The following CCDC85C variants were observed in gnomAD, a reference collection of about 807,000 sequenced individuals.
CCDC85C encodes coiled-coil domain containing 85C.
CCDC85C carries 18 observed loss-of-function variants against 38.3 expected under a neutral mutation model. The observed-to-expected ratio is 0.47, with a 90% CI of 0.33 to 0.70. CCDC85C has a LOEUF of 0.70. Among genes scored for constraint, CCDC85C ranks in the 30% least tolerant of loss-of-function variants. CCDC85C has a pLI of 0.03. For missense variants in CCDC85C, 566 were observed against 621.2 expected (o/e 0.91, Z 0.94); for synonymous variants, 264 against 293.8 (o/e 0.90, Z 1.04).
At position 99,503,673 on chromosome 14, in the gene CCDC85C, T is replaced by C. The variant is rs1447579134; in HGVS notation, c.*11573A>G. On this transcript the variant is annotated 3_prime_UTR_variant, in exon 6 of 6. Coordinates refer to ENST00000380243, the MANE Select transcript of CCDC85C (RefSeq NM_001144995.2). ...ATTTCCTGTTCTGATGTTTTTTTAG[T>C]TTTATGTGTTTATATGCAAAACTTT... 6.5e-7 allele frequency: 1 copy of C among 1,538,088 alleles called. No homozygotes were observed. Among genetic ancestry groups the C allele is most frequent in the Admixed American group, 2.0e-5 (1 of 50,204 alleles).
At position 99,512,234 on chromosome 14, in the gene CCDC85C, A is replaced by T. The variant is rs1897146827; in HGVS notation, c.*3012T>A. Reference sequence around the variant, plus strand: ...CGGGAGTCCACGGGCTCCCAGCTCTAAACGGCGCCAGGGCAGGAAGGGGTG... The same window carrying T: ...CGGGAGTCCACGGGCTCCCAGCTCTTAACGGCGCCAGGGCAGGAAGGGGTG... On this transcript the variant is annotated 3_prime_UTR_variant, in exon 6 of 6. Transcript: ENST00000380243. The T allele has an allele frequency of 6.6e-6, 1 of 152,146 alleles. No homozygotes were observed. The highest frequency in any genetic ancestry group is 2.1e-4 in the South Asian group (1 of 4,820). 9.4% of individuals were successfully genotyped at this position (152,146 alleles called of 1,614,324 possible).
intron 2 of CCDC85C, among the ~76,000 whole-genome samples, chr14:99,523,716 A>G (rs1005881985): frequency 3.9e-5 from 6 of 152,064 alleles, no homozygotes; most frequent in South Asian, 2.1e-4. Context: ...GTGGGAACCA[A>G]CCTTCCTGCA....
intron 3 of CCDC85C, among the ~76,000 whole-genome samples, chr14:99,517,691 T>C (rs2139896955): frequency 6.6e-6 from 1 of 152,276 alleles, no homozygotes; most frequent in East Asian, 1.9e-4. Context: ...CTCCCAGCCC[T>C]GCGGGATGAA....
chr14:99,510,259 C>A lies in CCDC85C; in HGVS notation c.*4987G>T, dbSNP rs369022783. ...GTCCAGATTCCCCCTCCGGCCCACC[C>A]GGCCCCTGTGCACCAGCCACCGCCG... On this transcript the variant is annotated 3_prime_UTR_variant, in exon 6 of 6. Transcript: ENST00000380243. 9 of 1,555,738 alleles carry A rather than the reference C, an allele frequency of 5.8e-6. No homozygotes were observed. Among genetic ancestry groups the A allele is most frequent in the Non-Finnish European group, 6.9e-6 (8 of 1,154,590 alleles).
At chr14:99,530,111 C>T (rs1358441778) in intron 2 of CCDC85C, among the ~76,000 whole-genome samples, 1 of 152,178 alleles carries the variant, frequency 6.6e-6, no homozygotes. Flanking sequence ...TGGTGACTCT[C>T]CCCCAGCATC....
At chr14:99,541,378 C>T (rs1010628557) in intron 1 of CCDC85C, among the ~76,000 whole-genome samples, 6 of 152,220 alleles carry the variant, frequency 3.9e-5, no homozygotes, top group South Asian at 2.1e-4. Flanking sequence ...TCTGGGCACA[C>T]GCTCCTTGCA....
intron 1 of CCDC85C, among the ~76,000 whole-genome samples, chr14:99,586,000 C>T (rs1453792130): frequency 1.3e-5 from 2 of 152,242 alleles, no homozygotes; most frequent in African/African-American, 4.8e-5. Flanking sequence ...GGCACCCAGA[C>T]CAAGCAGTAA....
chr14:99,578,821 G>T (rs747593435), intron 1 of CCDC85C, among the ~76,000 whole-genome samples: 3 of 152,160 alleles, frequency 2.0e-5, no homozygotes, highest in Non-Finnish European at 4.4e-5. Context: ...TTCTCTAAGC[G>T]CTTCCCTAGA....
intron 2 of CCDC85C, among the ~76,000 whole-genome samples, chr14:99,527,923 C>T (rs11845792): frequency 6.6e-6 from 1 of 151,956 alleles, no homozygotes; most frequent in Non-Finnish European, 1.5e-5. Flanking sequence ...GGGCAAGGTG[C>T]GTGAGAAGGG....
rs1595335907 is a variant in CCDC85C at position 99,516,394 on chromosome 14, A to C, written c.1072-108T>G. 2.5e-6 allele frequency: 2 copies of C among 785,752 alleles called. No homozygotes were observed. Among genetic ancestry groups the C allele is most frequent in the South Asian group, 3.2e-5 (2 of 62,698 alleles). The allele number at this position is 785,752 out of a possible 1,614,324, so 48.7% of individuals were successfully genotyped here. On this transcript the variant is annotated intron_variant, in intron 4 of 5. Coordinates refer to ENST00000380243, the MANE Select transcript of CCDC85C (RefSeq NM_001144995.2). This position sits in a 1 kb window ranked among gnomAD's most constrained non-coding sequence, Gnocchi z 5.5. ...CCCCTGCTGCGAACCAAAGCTGAGG[A>C]CCCTGAGCCGCTGGGCCCCTGGGGA...
At chr14:99,522,271 G>A (rs1008726006) in intron 2 of CCDC85C, 31 bp from the exon 3 acceptor site, 11 of 1,495,006 alleles carry the variant, frequency 7.4e-6, no homozygotes, top group African/African-American at 2.8e-5. Flanking sequence ...GGGGTTAGAC[G>A]GAGGGCCAGG....
At chr14:99,578,515 CTGTG>C (rs76197773) in intron 1 of CCDC85C, among the ~76,000 whole-genome samples, 3 of 151,780 alleles carry the variant, frequency 2.0e-5, no homozygotes, top group Admixed American at 6.6e-5. Context: ...ACTCCCATCA[CTGTG>C]TGTGTGTGAC....
chr14:99,522,551 C>T lies in CCDC85C; in HGVS notation c.868-311G>A, dbSNP rs1372985911. The T allele has an allele frequency of 2.5e-5, 6 of 236,442 alleles. No homozygotes were observed. The East Asian group carries it at 6.6e-4, about 26-fold the overall frequency. 14.6% of individuals were successfully genotyped at this position (236,442 alleles called of 1,614,324 possible). On this transcript the variant is annotated intron_variant, in intron 2 of 5. Transcript: ENST00000380243. The stretch of plus-strand genomic sequence containing the variant: ...GAGCGAGTGAGGAGAGAGTGTCTCT[C>T]CCACCCCGTGACTCACCCTGGCTCC...
At chr14:99,522,357 C>A in intron 2 of CCDC85C, 117 bp from the exon 3 acceptor site, 2 of 666,542 alleles carry the variant, frequency 3.0e-6, no homozygotes, top group Non-Finnish European at 2.5e-6. Context: ...CCGGAGGACC[C>A]CTCCACCCTC....
At chr14:99,587,851 C>T (rs1367481229) in intron 1 of CCDC85C, among the ~76,000 whole-genome samples, 3 of 152,164 alleles carry the variant, frequency 2.0e-5, no homozygotes, top group Non-Finnish European at 4.4e-5. Context: ...AGGCAGGGGG[C>T]CATTCTAGCC....
chr14:99,523,849 T>A (rs1897335519), intron 2 of CCDC85C, among the ~76,000 whole-genome samples: 1 of 152,260 alleles, frequency 6.6e-6, no homozygotes, highest in Middle Eastern at 3.4e-3. Context: ...GACCACGGCA[T>A]TAACCCTGGC....
chr14:99,603,928 G>A lies in CCDC85C; in HGVS notation c.32C>T (p.Ala11Val). 1 of 1,412,814 alleles carries A rather than the reference G, an allele frequency of 7.1e-7. No homozygotes were observed. Among genetic ancestry groups the A allele is most frequent in the East Asian group, 3.0e-5 (1 of 32,978 alleles). The allele number at this position is 1,412,814 out of a possible 1,614,324, so 87.5% of individuals were successfully genotyped here. A position where few individuals can be genotyped will look rare whatever the true frequency, so the allele number is the denominator to read the frequency against. Reference protein sequence around the residue: MAKPAATAAAASEELSQVPDE... With the variant: MAKPAATAAAVSEELSQVPDE... ...CGGCACCTGGCTCAGCTCCTCCGAC[G>A]CCGCCGCCGCCGTCGCCGCGGGCTT... Residue 11 changes from alanine (A) to valine (V), a missense_variant, in exon 1 of 6, where the codon GCG becomes GTG. By Grantham distance (64) the Ala-to-Val change is moderately conservative. This residue lies in a region of CCDC85C where 269 missense variants were observed against 308.2 expected (regional missense o/e 0.87). Transcript: ENST00000380243. The surrounding 1 kb of genome is among the most constrained non-coding windows in gnomAD (Gnocchi z 7.5).
Position 99,507,236 on chromosome 14 carries a change from A to C in CCDC85C, c.*8010T>G. ...GGTCCTGGGAACTTAGAAAAGGGAG[A>C]CTGGGGCCCAGATTGACAATGTCAG... On this transcript the variant is annotated 3_prime_UTR_variant, in exon 6 of 6. Coordinates refer to ENST00000380243, the MANE Select transcript of CCDC85C (RefSeq NM_001144995.2). 1 of 826,022 alleles carries C rather than the reference A, an allele frequency of 1.2e-6. No homozygotes were observed. The highest frequency in any genetic ancestry group is 2.1e-6 in the Non-Finnish European group (1 of 472,248). The allele number at this position is 826,022 out of a possible 1,614,324, so 51.2% of individuals were successfully genotyped here.
In CCDC85C at chr14:99,500,459, C is replaced by T. The variant is rs1446558268; in HGVS notation, c.*14787G>A. 5 of 202,038 alleles carry T rather than the reference C, an allele frequency of 2.5e-5. No individual in the cohort carries two copies. The highest frequency in any genetic ancestry group is 3.9e-5 in the Non-Finnish European group (4 of 101,692). 12.5% of individuals were successfully genotyped at this position (202,038 alleles called of 1,614,324 possible). A position where few individuals can be genotyped will look rare whatever the true frequency, so the allele number is the denominator to read the frequency against. ...TACAATTTAGTCAAATTATCAATAA[C>T]GTAAAGATCTGTTTTGTAAAGGGAG... On this transcript the variant is annotated 3_prime_UTR_variant, in exon 6 of 6. Transcript: ENST00000380243.
Sources: allele counts gnomAD v4.1 joint callset (sites outside exome capture counted in the v4.1 genomes callset), GRCh38; gene constraint gnomAD v4.1.1; regional missense constraint gnomAD v4.1.1; non-coding constraint Gnocchi (gnomAD v3.1); transcripts MANE v1.5; gene names NCBI Gene and HGNC (gene_info 2026-07-23, HGNC 2026-07-21).